Variants in SNAP29 observed in about 807,000 individuals in gnomAD.
SNAP29 encodes synaptosomal-associated protein 29.
SNAP29 carries 13 observed loss-of-function variants against 27.9 expected under a neutral mutation model. The ratio of observed to expected loss-of-function variants is 0.47; its 90% CI spans 0.30 to 0.74. SNAP29 has a LOEUF of 0.74. SNAP29 is among the 30% of genes least tolerant of loss of function. SNAP29 has a pLI of 0.06. For missense variants in SNAP29, 368 were observed against 336.5 expected, an observed-to-expected ratio of 1.09 and a Z score of -0.73; for synonymous variants, 119 against 127.1, an observed-to-expected ratio of 0.94 and a Z score of 0.43.
chr22:20,885,545 G>A (rs966872774), intron 4 of SNAP29, among the ~76,000 whole-genome samples: 5 of 152,214 alleles, frequency 3.3e-5, no homozygotes, highest in African/African-American at 7.2e-5. Context: ...CCTTCACTGC[G>A]AGAAAGGGAG....
At chr22:20,874,352 CACACACACACA>C (rs1928682973) in intron 2 of SNAP29, among the ~76,000 whole-genome samples, 33 of 53,670 alleles carry the variant, frequency 6.1e-4, no homozygotes, top group African/African-American at 2.2e-3. Context: ...AAATTAGCCA[CACACACACACA>C]CACACACACA....
chr22:20,859,067 G>T lies in SNAP29; in HGVS notation c.-44G>T. 1.3e-6 allele frequency: 2 copies of T among 1,506,074 alleles called. No homozygotes were observed. Among genetic ancestry groups the T allele is most frequent in the East Asian group, 2.3e-5 (1 of 43,606 alleles). 93.3% of individuals were successfully genotyped at this position (1,506,074 alleles called of 1,614,324 possible). On this transcript the variant is annotated 5_prime_UTR_variant, in exon 1 of 5. Coordinates refer to ENST00000215730, the MANE Select transcript of SNAP29 (RefSeq NM_004782.4). The stretch of plus-strand genomic sequence containing the variant: ...GAGGCCCTGGACGGCGGCGGCAGTG[G>T]GGCTCCTCCTTCTGTTTCCCAGACC...
Position 20,883,320 on chromosome 22 carries a change from C to T in SNAP29, c.521-151C>T, listed in dbSNP as rs1601654723. The stretch of plus-strand genomic sequence containing the variant: ...TCTTCTTCTGGCCCATGAGCCTGCG[C>T]TGTGCTCCTCCCTCATCCCTCTGGA... On this transcript the variant is annotated intron_variant, in intron 3 of 4. Transcript: ENST00000215730. 4.7e-6 allele frequency: 3 copies of T among 632,234 alleles called. No homozygotes were observed. In the Admixed American group the frequency reaches 6.3e-5, roughly 13 times the overall value. 39.2% of individuals were successfully genotyped at this position (632,234 alleles called of 1,614,324 possible).
In SNAP29 at chr22:20,889,327, C is replaced by T. The variant is rs1929096811; in HGVS notation, c.*1491C>T. 1 of 152,178 alleles carries T rather than the reference C, an allele frequency of 6.6e-6. No homozygotes were observed. Among genetic ancestry groups the T allele is most frequent in the Non-Finnish European group, 1.5e-5 (1 of 68,040 alleles). 9.4% of individuals were successfully genotyped at this position (152,178 alleles called of 1,614,324 possible). On this transcript the variant is annotated 3_prime_UTR_variant, in exon 5 of 5. Coordinates refer to ENST00000215730, the MANE Select transcript of SNAP29 (RefSeq NM_004782.4). ...GCAATTTGTTTATAAAAATTCCCAT[C>T]CCATAATGCATGACCTTCCTAAAAA...
rs541188709 is a variant in SNAP29 at position 20,886,032 on chromosome 22, G to C, written c.620-1647G>C. Among the ~76,000 whole-genome samples the C allele has an allele frequency of 5.9e-5, 9 of 151,910 alleles. No homozygotes were observed. In the South Asian group the frequency reaches 1.9e-3, roughly 32 times the overall value. On this transcript the variant is annotated intron_variant, in intron 4 of 4. Coordinates refer to ENST00000215730, the MANE Select transcript of SNAP29 (RefSeq NM_004782.4). ...AGTGAGCTTCCTCCTGAGGCCTGAG[G>C]CAACCACAGGCTCTGCTCTCCATGG... is the stretch of plus-strand genomic sequence containing the variant.
intron 1 of SNAP29, among the ~76,000 whole-genome samples, chr22:20,862,086 G>C (rs1928338659): frequency 1.3e-5 from 2 of 152,140 alleles, no homozygotes. Context: ...TTGTTAGGGA[G>C]GTTTTGCCTG....
At chr22:20,874,054 G>T (rs1197234601) in intron 2 of SNAP29, among the ~76,000 whole-genome samples, 1 of 150,102 alleles carries the variant, frequency 6.7e-6, no homozygotes, top group East Asian at 2.0e-4. Flanking sequence ...GGCCAACGGA[G>T]CACGAGGTCA....
chr22:20,860,988 G>A (rs1312672953), intron 1 of SNAP29, among the ~76,000 whole-genome samples: 3 of 152,110 alleles, frequency 2.0e-5, no homozygotes, highest in Non-Finnish European at 2.9e-5. Context: ...AGTGAGCCAT[G>A]TTCATACCAC....
Position 20,859,246 on chromosome 22 carries a change from C to T in SNAP29, c.136C>T (p.Arg46Trp), listed in dbSNP as rs749863810. Residue 46 changes from arginine to tryptophan, a missense_variant, in exon 1 of 5, where the codon CGG (arginine) becomes TGG (tryptophan). Arg to Trp is a moderately radical substitution (Grantham distance 101). Transcript: ENST00000215730. ...DAPADRQQYL[R>W]QEVLRRAEAT... The stretch of plus-strand genomic sequence containing the variant: ...GCCCGCGGACAGGCAGCAGTACTTG[C>T]GGCAGGAGGTCCTCCGCAGGGCTGA... The T allele has an allele frequency of 3.1e-6, 5 of 1,604,116 alleles. No individual in the cohort carries two copies. The highest frequency in any genetic ancestry group is 2.2e-5 in the East Asian group (1 of 44,616).
At chr22:20,875,247 C>A (rs1928711078) in intron 2 of SNAP29, among the ~76,000 whole-genome samples, 1 of 152,158 alleles carries the variant, frequency 6.6e-6, no homozygotes, top group South Asian at 2.1e-4. Flanking sequence ...GCTGCTTGTT[C>A]TCATTTCCAC....
chr22:20,887,683 G>C lies in SNAP29; in HGVS notation c.624G>C (p.Glu208Asp), dbSNP rs1216720176. ...YHQKIDSNLD[E>D]LSMGLGRLKD... ...TGTCATTTCCTCCTCCTGCAGATGA[G>C]CTGTCCATGGGACTGGGTCGTCTGA... Residue 208 changes from glutamate to aspartate, a missense_variant, in exon 5 of 5, where the codon GAG (glutamate) becomes GAC (aspartate). Physicochemically the swap from Glu to Asp is conservative, Grantham distance 45 (BLOSUM62 2). Coordinates refer to ENST00000215730, the MANE Select transcript of SNAP29 (RefSeq NM_004782.4). 6.2e-7 allele frequency: 1 copy of C among 1,614,220 alleles called. No homozygotes were observed. The highest frequency in any genetic ancestry group is 2.2e-5 in the East Asian group (1 of 44,886).
rs374459232 is a variant in SNAP29 at position 20,883,112 on chromosome 22, T to A, written c.521-359T>A. ...TATGTAACGTAACAATTTGTATTTTTATACTTTGTCCACAGACTGTGTAGT... is the reference window on the plus strand; with the variant it reads ...TATGTAACGTAACAATTTGTATTTTAATACTTTGTCCACAGACTGTGTAGT... On this transcript the variant is annotated intron_variant, in intron 3 of 4. Coordinates refer to ENST00000215730, the MANE Select transcript of SNAP29 (RefSeq NM_004782.4). Among the ~76,000 whole-genome samples, 131 of 152,352 alleles carry A rather than the reference T, an allele frequency of 8.6e-4. 3 individuals carry two copies. In the South Asian group the frequency reaches 0.023, roughly 27 times the overall value.
chr22:20,890,948 G>A lies in SNAP29; in HGVS notation c.*3112G>A, dbSNP rs556933912. On this transcript the variant is annotated 3_prime_UTR_variant, in exon 5 of 5. Transcript: ENST00000215730. ...AAATTAGTCGGGCATGGTGGCGGGC[G>A]CCTGTAGTCCCAACTACTCGGGAGA... 18 of 152,072 alleles carry A rather than the reference G, an allele frequency of 1.2e-4. No individual in the cohort carries two copies. Among genetic ancestry groups the A allele is most frequent in the Admixed American group, 2.0e-4 (3 of 15,220 alleles). The allele number at this position is 152,072 out of a possible 1,614,324, so 9.4% of individuals were successfully genotyped here.
chr22:20,870,795 C>T, intron 2 of SNAP29: 1 of 546,682 alleles, frequency 1.8e-6, no homozygotes, highest in Non-Finnish European at 3.3e-6. Context: ...GTGTTCACCT[C>T]AGCGTAATCT....
At position 20,881,064 on chromosome 22, in the gene SNAP29, A is replaced by G. The variant is rs1928879462; in HGVS notation, c.450A>G (p.Ile150Met). 1.2e-6 allele frequency: 2 copies of G among 1,610,754 alleles called. No homozygotes were observed. Among genetic ancestry groups the G allele is most frequent in the Non-Finnish European group, 1.7e-6 (2 of 1,176,898 alleles). The change falls in exon 3 of 5, where the codon ATA (isoleucine) becomes ATG (methionine). Residue 150 changes from isoleucine (I) to methionine (M), a missense_variant. Ile to Met is a conservative substitution (Grantham distance 10). Coordinates refer to ENST00000215730, the MANE Select transcript of SNAP29 (RefSeq NM_004782.4). ...TTATCCAAAGATTGAAAGAAGCTAT[A>G]AGTACAAGTAAAGAACAGGAAGCAA... ...SQPNNRLKEA[I>M]STSKEQEAKY...
rs184668953 is a variant in SNAP29 at position 20,870,606 on chromosome 22, G to A, written c.434+73G>A. ...TTAGTGCAAATGACCAAGACTTTCAGTCCACGTCAGTGCCATGAAGGGATC... is the reference window on the plus strand; with the variant it reads ...TTAGTGCAAATGACCAAGACTTTCAATCCACGTCAGTGCCATGAAGGGATC... On this transcript the variant is annotated intron_variant, in intron 2 of 4. Coordinates refer to ENST00000215730, the MANE Select transcript of SNAP29 (RefSeq NM_004782.4). 4.7e-5 allele frequency: 64 copies of A among 1,360,470 alleles called. No individual in the cohort carries two copies. The African/African-American group carries it at 8.5e-4, about 18-fold the overall frequency. The allele number at this position is 1,360,470 out of a possible 1,614,324, so 84.3% of individuals were successfully genotyped here.
In SNAP29 at chr22:20,859,233, G is replaced by T. The variant is rs1372784135; in HGVS notation, c.123G>T (p.Arg41Ser). 3 of 1,606,712 alleles carry T rather than the reference G, an allele frequency of 1.9e-6. No individual in the cohort carries two copies. The highest frequency in any genetic ancestry group is 1.7e-6 in the Non-Finnish European group (2 of 1,177,546). ...ACGGGCCCGACGCGCCCGCGGACAG[G>T]CAGCAGTACTTGCGGCAGGAGGTCC... is the stretch of plus-strand genomic sequence containing the variant. ...LPDGPDAPAD[R>S]QQYLRQEVLR... The change falls in exon 1 of 5, where the codon AGG (arginine) becomes AGT (serine). Residue 41 changes from arginine to serine, a missense_variant. Arg to Ser is a moderately radical substitution (Grantham distance 110). Transcript: ENST00000215730.
At chr22:20,875,870 T>TG (rs61433299) in intron 2 of SNAP29, among the ~76,000 whole-genome samples, 6,127 of 147,760 alleles carry the variant, frequency 0.041, 137 homozygotes, top group Middle Eastern at 0.074. Flanking sequence ...AAAAAAAAAA[T>TG]GGGGGGGCGG....
chr22:20,878,346 C>A (rs892658378), intron 2 of SNAP29, among the ~76,000 whole-genome samples: 4 of 151,882 alleles, frequency 2.6e-5, no homozygotes, highest in Non-Finnish European at 5.9e-5. Flanking sequence ...TCGAGACCAT[C>A]CTGGCTAACA....
Sources: allele counts gnomAD v4.1 joint callset (sites outside exome capture counted in the v4.1 genomes callset), GRCh38; gene constraint gnomAD v4.1.1; transcripts MANE v1.5; gene names NCBI Gene and HGNC (gene_info 2026-07-23, HGNC 2026-07-21).